Variants in DOCK1 observed in about 807,000 individuals in gnomAD.
DOCK1 encodes the protein dedicator of cytokinesis 1, also known as dedicator of cytokinesis protein 1.
A neutral mutation model predicts 262.7 loss-of-function variants in DOCK1; 138 were observed. That is an observed-to-expected ratio of 0.53 (90% CI 0.46 to 0.61). DOCK1 has a LOEUF of 0.61. Ranked by LOEUF, DOCK1 falls within the 20% of genes least tolerant of loss-of-function variation. The probability of loss-of-function intolerance (pLI) is 0.00; values close to 1 mark genes in which losing one functional copy is unlikely to be tolerated. For missense variants in DOCK1, 1,908 were observed against 2,370.7 expected (o/e 0.80, Z 4.05); for synonymous variants, 866 against 867.4 (o/e 1.00, Z 0.03).
At chr10:127,207,174 C>T (rs2134290342) in intron 27 of DOCK1, among the ~76,000 whole-genome samples, 1 of 152,324 alleles carries the variant, frequency 6.6e-6, no homozygotes, top group African/African-American at 2.4e-5. Flanking sequence ...TTTATGCCAA[C>T]CAGTTCTTGC....
intron 19 of DOCK1, 34 bp downstream of exon 19, chr10:127,037,850 T>C (rs1564752561): frequency 4.1e-6 from 1 of 243,498 alleles, no homozygotes; most frequent in Non-Finnish European, 5.8e-6. Context: ...TTTTGGGTCT[T>C]TTTTTTTTTT....
intron 1 of DOCK1, among the ~76,000 whole-genome samples, chr10:126,957,230 T>C (rs2036818471): frequency 6.6e-6 from 1 of 152,172 alleles, no homozygotes; most frequent in African/African-American, 2.4e-5. Flanking sequence ...AGAAACCAAA[T>C]ATTTTTTGGC....
At chr10:127,439,302 G>T in intron 49 of DOCK1, 77 bp downstream of exon 49, 1 of 1,436,930 alleles carries the variant, frequency 7.0e-7, no homozygotes, top group Non-Finnish European at 9.4e-7. Flanking sequence ...AGCCAACAGG[G>T]CTGACGGTGG....
intron 13 of DOCK1, 47 bp from the exon 14 acceptor site, chr10:127,023,153 T>A: frequency 6.2e-7 from 1 of 1,602,992 alleles, no homozygotes; most frequent in South Asian, 1.1e-5. Context: ...ACAATTACGC[T>A]ATTAATAATG....
intron 4 of DOCK1, among the ~76,000 whole-genome samples, chr10:126,984,990 T>G (rs1317577531): frequency 6.8e-6 from 1 of 147,826 alleles, no homozygotes; most frequent in Non-Finnish European, 1.5e-5. Context: ...TTTTTTTTTT[T>G]TTTTTTTTGA....
At chr10:127,426,104 C>G (rs1172508995) in intron 47 of DOCK1, 93 bp downstream of exon 47, 3 of 1,572,118 alleles carry the variant, frequency 1.9e-6, no homozygotes, top group East Asian at 2.3e-5. Flanking sequence ...GAGGAACTCA[C>G]ATGTACACAT....
At chr10:127,285,473 C>T (rs1417779270) in intron 29 of DOCK1, among the ~76,000 whole-genome samples, 1 of 152,238 alleles carries the variant, frequency 6.6e-6, no homozygotes, top group African/African-American at 2.4e-5. Context: ...GTAGAACTTT[C>T]TGGCCTGTGC....
intron 8 of DOCK1, 66 bp from the exon 9 acceptor site, chr10:126,999,288 G>A: frequency 8.0e-7 from 1 of 1,251,314 alleles, no homozygotes; most frequent in South Asian, 1.3e-5. Flanking sequence ...ATGAAGCAAT[G>A]TGGATGTACA....
intron 29 of DOCK1, among the ~76,000 whole-genome samples, chr10:127,337,849 C>T (rs1332043817): frequency 1.3e-5 from 2 of 152,174 alleles, no homozygotes; most frequent in South Asian, 4.1e-4. Context: ...TTTCTCAGAG[C>T]GGCACGCAGT....
intron 1 of DOCK1, among the ~76,000 whole-genome samples, chr10:126,937,834 A>G (rs2134225227): frequency 6.6e-6 from 1 of 152,202 alleles, no homozygotes; most frequent in Non-Finnish European, 1.5e-5. Flanking sequence ...TTGATACACA[A>G]AAGTTTTTAA....
At chr10:127,026,224 G>GGT (rs938617865) in intron 15 of DOCK1, 128 bp from the exon 16 acceptor site, 14 of 903,484 alleles carry the variant, frequency 1.5e-5, no homozygotes, top group Non-Finnish European at 2.1e-5. Context: ...TAGGGGACTA[G>GGT]GTGTACAGTA....
intron 29 of DOCK1, among the ~76,000 whole-genome samples, chr10:127,294,905 G>A (rs2061457314): frequency 2.0e-5 from 3 of 152,116 alleles, no homozygotes; most frequent in Admixed American, 1.3e-4. Context: ...GTCTCCCAAA[G>A]TGTCAGGATT....
chr10:127,254,957 T>G (rs2059779163), intron 28 of DOCK1, among the ~76,000 whole-genome samples: 1 of 152,144 alleles, frequency 6.6e-6, no homozygotes, highest in Non-Finnish European at 1.5e-5. Context: ...GCAGTCCAGG[T>G]GCGAGAGGAT....
At chr10:127,117,633 T>A (rs970387868) in intron 25 of DOCK1, among the ~76,000 whole-genome samples, 4 of 152,192 alleles carry the variant, frequency 2.6e-5, no homozygotes, top group Non-Finnish European at 5.9e-5. Context: ...ATAGTTGGTG[T>A]AAACTTTATC....
Position 127,023,224 on chromosome 10 carries a change from T to C in DOCK1, c.1352T>C (p.Val451Ala), listed in dbSNP as rs779079768. ...MPGDVRNDIY[V>A]TLVQGDFDKG... ...GGTGATGTTCGAAATGATATCTATG[T>C]AACATTAGTTCAAGGAGATTTTGAT... The change falls in exon 14 of 52, where the codon GTA becomes GCA. Residue 451 changes from valine to alanine, a missense_variant. Transcript: ENST00000623213. 2 of 1,613,908 alleles carry C rather than the reference T, an allele frequency of 1.2e-6. No homozygotes were observed. The highest frequency in any genetic ancestry group is 3.3e-5 in the Admixed American group (2 of 60,006).
At chr10:126,939,538 G>T (rs879150949) in intron 1 of DOCK1, among the ~76,000 whole-genome samples, 101,412 of 151,506 alleles carry the variant, frequency 0.67, 34,442 homozygotes, top group African/African-American at 0.75. Context: ...TTAACTTAAA[G>T]TTATCTTTTA....
chr10:127,146,806 A>G (rs1035603317), intron 27 of DOCK1, among the ~76,000 whole-genome samples: 2 of 152,216 alleles, frequency 1.3e-5, no homozygotes, highest in Non-Finnish European at 1.5e-5. Context: ...CTCCACTCCA[A>G]GTGGGCTCCG....
intron 29 of DOCK1, among the ~76,000 whole-genome samples, chr10:127,310,456 G>T (rs1378693083): frequency 6.6e-6 from 1 of 152,168 alleles, no homozygotes; most frequent in East Asian, 1.9e-4. Flanking sequence ...CCTTATTATG[G>T]ATTTGATAAG....
chr10:127,013,950 C>T (rs982625035), intron 12 of DOCK1, among the ~76,000 whole-genome samples: 2 of 152,238 alleles, frequency 1.3e-5, no homozygotes, highest in Admixed American at 1.3e-4. Flanking sequence ...ATTTTATCAC[C>T]AGCAGCCCAG....
Sources: allele counts gnomAD v4.1 joint callset (sites outside exome capture counted in the v4.1 genomes callset), GRCh38; gene constraint gnomAD v4.1.1; transcripts MANE v1.5; gene names NCBI Gene and HGNC (gene_info 2026-07-23, HGNC 2026-07-21).